PRKCI: variants seen among roughly 807,000 people sequenced by gnomAD.
PRKCI encodes protein kinase C iota, also known as protein kinase C iota type.
Under a neutral mutation model 84.0 loss-of-function variants are expected in PRKCI, and 43 were observed. The observed-to-expected ratio is 0.51, with a 90% CI of 0.40 to 0.66. The LOEUF is 0.66. Among genes scored for constraint, PRKCI ranks in the 30% least tolerant of loss-of-function variants. The pLI is 0.00. For synonymous variants in PRKCI, 216 were observed against 234.4 expected, an observed-to-expected ratio of 0.92 and a Z score of 0.72; for missense variants, 459 against 745.6, an observed-to-expected ratio of 0.62 and a Z score of 4.48.
At chr3:170,236,123 A>G (rs879593728) in intron 2 of PRKCI, among the ~76,000 whole-genome samples, 10 of 141,316 alleles carry the variant, frequency 7.1e-5, no homozygotes, top group Non-Finnish European at 1.2e-4. Context: ...TTTTTTTGAG[A>G]CAGAGTCTGG....
At chr3:170,255,795 C>A (rs1733569981) in intron 2 of PRKCI, among the ~76,000 whole-genome samples, 1 of 152,148 alleles carries the variant, frequency 6.6e-6, no homozygotes. Flanking sequence ...GTGGGTCTGT[C>A]TTATATGGCT....
intron 7 of PRKCI, among the ~76,000 whole-genome samples, 173 bp from the exon 8 acceptor site, chr3:170,275,056 A>G (rs1451653852): frequency 1.3e-5 from 2 of 152,130 alleles, no homozygotes; most frequent in Non-Finnish European, 2.9e-5. Flanking sequence ...TTTACATACA[A>G]TTTGTTATTA....
chr3:170,246,265 G>A (rs905094676), intron 2 of PRKCI, among the ~76,000 whole-genome samples: 2 of 152,132 alleles, frequency 1.3e-5, no homozygotes, highest in Admixed American at 6.5e-5. Context: ...TGATTCTCTT[G>A]CCTCAGCCTC....
At chr3:170,299,348 A>G (rs903853113) in intron 17 of PRKCI, among the ~76,000 whole-genome samples, 3 of 151,984 alleles carry the variant, frequency 2.0e-5, no homozygotes, top group Admixed American at 1.3e-4. Flanking sequence ...TGCCTCAGAT[A>G]CCCTGAGTAG....
chr3:170,262,192 A>G (rs2108849630), intron 3 of PRKCI, among the ~76,000 whole-genome samples: 1 of 152,318 alleles, frequency 6.6e-6, no homozygotes, highest in Admixed American at 6.5e-5. Flanking sequence ...ATACATTTAA[A>G]GTTTCTAATG....
chr3:170,291,624 G>T (rs1734553277), intron 12 of PRKCI: 2 of 393,192 alleles, frequency 5.1e-6, no homozygotes, highest in Non-Finnish European at 9.6e-6. Flanking sequence ...TTGAACCCAG[G>T]AGGTGGAGGT....
intron 4 of PRKCI, among the ~76,000 whole-genome samples, chr3:170,264,811 A>T (rs1733817753): frequency 1.3e-5 from 2 of 152,130 alleles, no homozygotes; most frequent in South Asian, 4.1e-4. Context: ...TGAAATCTGG[A>T]TATCTTTGTA....
intron 15 of PRKCI, 126 bp from the exon 16 acceptor site, chr3:170,297,178 A>T (rs999922640): frequency 3.4e-5 from 24 of 713,622 alleles, no homozygotes; most frequent in Non-Finnish European, 4.6e-5. Context: ...TTCTAGAAAT[A>T]AAAGGTAGAC....
intron 17 of PRKCI, among the ~76,000 whole-genome samples, chr3:170,302,424 A>G (rs1734844243): frequency 6.6e-6 from 1 of 152,190 alleles, no homozygotes; most frequent in Non-Finnish European, 1.5e-5. Flanking sequence ...CCTTGAAGGA[A>G]GGGACTGTAT....
At chr3:170,231,665 A>G (rs1038505191) in intron 1 of PRKCI, among the ~76,000 whole-genome samples, 2 of 151,986 alleles carry the variant, frequency 1.3e-5, no homozygotes, top group South Asian at 2.1e-4. Flanking sequence ...GGGATTCGCC[A>G]TGTTGGCCAG....
chr3:170,292,709 C>CAA (rs35749320), intron 13 of PRKCI, among the ~76,000 whole-genome samples: 34 of 82,544 alleles, frequency 4.1e-4, no homozygotes, highest in Non-Finnish European at 4.9e-4. Context: ...AACTCTGTCT[C>CAA]AAAAAAAAAA....
chr3:170,265,145 C>T (rs1300340398), intron 4 of PRKCI, among the ~76,000 whole-genome samples: 2 of 151,082 alleles, frequency 1.3e-5, no homozygotes, highest in Non-Finnish European at 2.9e-5. Flanking sequence ...GCTGAGGTCG[C>T]GCCAGTACAT....
intron 12 of PRKCI, among the ~76,000 whole-genome samples, chr3:170,288,115 G>A (rs1189923384): frequency 3.3e-5 from 5 of 151,446 alleles, no homozygotes; most frequent in Admixed American, 2.0e-4. Context: ...GCGTGGTGGC[G>A]GACGCCTGTA....
rs555264487 is a variant in PRKCI, at chr3:170,228,058, GTTAA to G, written c.101+5295_101+5298del. The stretch of plus-strand genomic sequence containing the variant: ...AATGTGGAAGAGATTTGTGGGAGAA[GTTAA>G]TTAATTGGCTGGAACAATTCACTGA... On this transcript the variant is annotated intron_variant, in intron 1 of 17. Coordinates refer to ENST00000295797, the MANE Select transcript of PRKCI (RefSeq NM_002740.6). Among the ~76,000 whole-genome samples the G allele has an allele frequency of 1.9e-3, 284 of 152,254 alleles. 2 individuals carry two copies. The highest frequency in any genetic ancestry group is 5.9e-3 in the African/African-American group (244 of 41,546).
At chr3:170,252,402 T>C (rs1194324871) in intron 2 of PRKCI, among the ~76,000 whole-genome samples, 3 of 152,168 alleles carry the variant, frequency 2.0e-5, no homozygotes, top group African/African-American at 7.2e-5. Flanking sequence ...ACATGAGCTA[T>C]TTTGATGCAG....
chr3:170,231,638 T>C (rs1732796812), intron 1 of PRKCI, among the ~76,000 whole-genome samples: 1 of 151,948 alleles, frequency 6.6e-6, no homozygotes, highest in South Asian at 2.1e-4. Context: ...CTAATTTTTG[T>C]AGTTTTAGTA....
chr3:170,281,138 CAT>C, intron 9 of PRKCI, 26 bp from the exon 10 acceptor site: 1 of 1,568,114 alleles, frequency 6.4e-7, no homozygotes, highest in Non-Finnish European at 8.8e-7. Flanking sequence ...ATCAGTTTGA[CAT>C]AGATTTCTTA....
intron 2 of PRKCI, among the ~76,000 whole-genome samples, chr3:170,244,079 A>C (rs1733208927): frequency 6.6e-6 from 1 of 152,222 alleles, no homozygotes; most frequent in African/African-American, 2.4e-5. Context: ...TAAAAGGTTA[A>C]ATTTTTCATT....
In PRKCI at chr3:170,303,263, A is replaced by C; in HGVS notation, c.*136A>C. 2.1e-6 allele frequency: 1 copy of C among 477,946 alleles called. No individual in the cohort carries two copies. The highest frequency in any genetic ancestry group is 3.6e-6 in the Non-Finnish European group (1 of 276,858). The allele number at this position is 477,946 out of a possible 1,614,324, so 29.6% of individuals were successfully genotyped here. A position where few individuals can be genotyped will look rare whatever the true frequency, so the allele number is the denominator to read the frequency against. The stretch of plus-strand genomic sequence containing the variant: ...CACCCAATATCTTCTCTTGTAGACT[A>C]TATGAATCAATTATTACATCTGTTT... On this transcript the variant is annotated 3_prime_UTR_variant, in exon 18 of 18. Coordinates refer to ENST00000295797, the MANE Select transcript of PRKCI (RefSeq NM_002740.6).
Sources: allele counts gnomAD v4.1 joint callset (sites outside exome capture counted in the v4.1 genomes callset), GRCh38; gene constraint gnomAD v4.1.1; transcripts MANE v1.5; gene names NCBI Gene and HGNC (gene_info 2026-07-23, HGNC 2026-07-21).